Variants in BMPR1B observed in about 807,000 individuals in gnomAD.
The protein encoded by BMPR1B is bone morphogenetic protein receptor type-1B.
BMPR1B carries 12 observed loss-of-function variants against 59.1 expected under a neutral mutation model. The observed-to-expected ratio is 0.20, with a 90% CI of 0.13 to 0.33. The LOEUF is 0.33. Ranked by LOEUF, BMPR1B falls within the 10% of genes least tolerant of loss-of-function variation. BMPR1B has a pLI of 1.00. For synonymous variants in BMPR1B, 237 were observed against 207.3 expected (o/e 1.14, Z -1.23); for missense variants, 550 against 610.9 (o/e 0.90, Z 1.05).
At chr4:94,939,213 A>G (rs917041385) in intron 2 of BMPR1B, among the ~76,000 whole-genome samples, 2 of 152,134 alleles carry the variant, frequency 1.3e-5, no homozygotes, top group East Asian at 3.9e-4. Context: ...ATACATTCCT[A>G]TGGAGATTCT....
rs568826663 is a variant in BMPR1B, at chr4:94,967,488, T to C, written c.-112-28552T>C. On this transcript the variant is annotated intron_variant, in intron 2 of 12. Coordinates refer to ENST00000515059, the MANE Select transcript of BMPR1B (RefSeq NM_001203.3). ...CCTCTCCTCTCTCCTTCTCTTTCTTTCTTTTTTTTCTTGAGATGGAGTCTT... is the reference window on the plus strand; with the variant it reads ...CCTCTCCTCTCTCCTTCTCTTTCTTCCTTTTTTTTCTTGAGATGGAGTCTT... 7.9e-5 allele frequency among the ~76,000 whole-genome samples: 12 copies of C among 152,138 alleles called. No homozygotes were observed. The South Asian group carries it at 2.5e-3, about 32-fold the overall frequency.
At chr4:95,018,324 T>C (rs939320298) in intron 3 of BMPR1B, among the ~76,000 whole-genome samples, 2 of 152,174 alleles carry the variant, frequency 1.3e-5, no homozygotes, top group Non-Finnish European at 2.9e-5. Flanking sequence ...CCTATATTGT[T>C]TTTGGAAAGT....
chr4:94,806,063 A>G (rs1488321862), intron 1 of BMPR1B, among the ~76,000 whole-genome samples: 2 of 152,176 alleles, frequency 1.3e-5, no homozygotes, highest in African/African-American at 2.4e-5. Context: ...CAATATCAAC[A>G]AATATTTTTC....
chr4:94,778,250 T>C (rs932579415), intron 1 of BMPR1B, among the ~76,000 whole-genome samples: 1 of 152,290 alleles, frequency 6.6e-6, no homozygotes, highest in East Asian at 1.9e-4. Flanking sequence ...TTTATGTTTA[T>C]TATTCACTGG....
intron 1 of BMPR1B, among the ~76,000 whole-genome samples, chr4:94,826,372 C>A (rs548647522): frequency 1.5e-5 from 2 of 129,608 alleles, no homozygotes; most frequent in Non-Finnish European, 3.3e-5. Flanking sequence ...CTTCTTTCAC[C>A]ATGTTTTAAA....
intron 3 of BMPR1B, among the ~76,000 whole-genome samples, chr4:95,046,205 G>A (rs1487171932): frequency 6.6e-6 from 1 of 152,048 alleles, no homozygotes; most frequent in Non-Finnish European, 1.5e-5. Context: ...AAACCACTGT[G>A]TCCGGCTTTA....
chr4:94,835,578 A>G (rs1288295334), intron 1 of BMPR1B, among the ~76,000 whole-genome samples: 1 of 152,218 alleles, frequency 6.6e-6, no homozygotes, highest in Non-Finnish European at 1.5e-5. Flanking sequence ...TCTCTTTGGT[A>G]ACAACCAAAT....
intron 2 of BMPR1B, among the ~76,000 whole-genome samples, chr4:94,934,445 C>A (rs1729209015): frequency 7.6e-6 from 1 of 131,280 alleles, no homozygotes; most frequent in South Asian, 2.5e-4. Context: ...GAACTTTTCC[C>A]AGCTATGGTT....
In BMPR1B at chr4:94,761,382, G is replaced by A. The variant is rs146022618; in HGVS notation, c.-183+3314G>A. On this transcript the variant is annotated intron_variant, in intron 1 of 12. Coordinates refer to ENST00000515059, the MANE Select transcript of BMPR1B (RefSeq NM_001203.3). ...TTTCTTACCTGCAAAGAAGATTTAAGCTCTCTGGACTTACATTTTCCGCTG... is the reference window on the plus strand; with the variant it reads ...TTTCTTACCTGCAAAGAAGATTTAAACTCTCTGGACTTACATTTTCCGCTG... Among the ~76,000 whole-genome samples the A allele has an allele frequency of 3.4e-3, 513 of 149,428 alleles. 3 individuals are homozygous for A. The highest frequency in any genetic ancestry group is 6.1e-3 in the Non-Finnish European group (407 of 67,266).
chr4:94,841,982 C>G lies in BMPR1B; in HGVS notation c.-182-33849C>G, dbSNP rs147259040. On this transcript the variant is annotated intron_variant, in intron 1 of 12. Coordinates refer to ENST00000515059, the MANE Select transcript of BMPR1B (RefSeq NM_001203.3). The stretch of plus-strand genomic sequence containing the variant: ...GTTATGATAATAATAACATGGATCC[C>G]CAGTGGAAACCAGGGCTGGTTAGGA... 3.7e-3 allele frequency among the ~76,000 whole-genome samples: 568 copies of G among 152,090 alleles called. 4 individuals carry two copies. Among genetic ancestry groups the G allele is most frequent in the African/African-American group, 0.013 (533 of 41,492 alleles).
rs78182742 is a variant in BMPR1B at position 95,146,874 on chromosome 4, G to T, written c.1077-1874G>T. On this transcript the variant is annotated intron_variant, in intron 10 of 12. Coordinates refer to ENST00000515059, the MANE Select transcript of BMPR1B (RefSeq NM_001203.3). ...ATCTATTCAATCTGACATGTTTCCAGTTTACCATTAAGTCTCTTCTCAGCA... is the reference window on the plus strand; with the variant it reads ...ATCTATTCAATCTGACATGTTTCCATTTTACCATTAAGTCTCTTCTCAGCA... 7.1e-3 allele frequency among the ~76,000 whole-genome samples: 1,077 copies of T among 152,232 alleles called. 12 individuals are homozygous for T. The highest frequency in any genetic ancestry group is 7.0e-3 in the Non-Finnish European group (473 of 68,018).
chr4:94,772,327 C>T (rs2110573677), intron 1 of BMPR1B, among the ~76,000 whole-genome samples: 1 of 152,198 alleles, frequency 6.6e-6, no homozygotes, highest in South Asian at 2.1e-4. Context: ...GCAGAAGGGC[C>T]TATTGGCTGT....
chr4:95,124,534 A>G (rs1338207252), intron 7 of BMPR1B, among the ~76,000 whole-genome samples: 1 of 152,074 alleles, frequency 6.6e-6, no homozygotes, highest in Non-Finnish European at 1.5e-5. Flanking sequence ...AAAAGTTTTT[A>G]AAGATTAAAT....
At chr4:95,113,871 A>G (rs533437006) in intron 4 of BMPR1B, among the ~76,000 whole-genome samples, 1 of 152,276 alleles carries the variant, frequency 6.6e-6, no homozygotes, top group East Asian at 1.9e-4. Flanking sequence ...CCTCATCTGT[A>G]AGATAGGAAT....
intron 3 of BMPR1B, among the ~76,000 whole-genome samples, chr4:95,021,755 C>T (rs1053647228): frequency 1.3e-5 from 2 of 152,108 alleles, no homozygotes; most frequent in African/African-American, 4.8e-5. Context: ...TTTCTGAACC[C>T]ACTGCTGTAT....
At chr4:94,976,444 T>C (rs992377809) in intron 2 of BMPR1B, among the ~76,000 whole-genome samples, 4 of 152,014 alleles carry the variant, frequency 2.6e-5, no homozygotes, top group Non-Finnish European at 5.9e-5. Flanking sequence ...CTCAGGAAAA[T>C]ATAATCTGCC....
intron 3 of BMPR1B, among the ~76,000 whole-genome samples, chr4:95,096,785 CTATA>C (rs1730425494): frequency 7.8e-6 from 1 of 128,966 alleles, no homozygotes; most frequent in African/African-American, 2.9e-5. Context: ...TTATATATAA[CTATA>C]TATCTATATA....
At chr4:94,996,508 A>G (rs935821269) in intron 3 of BMPR1B, 2 of 152,200 alleles carry the variant, frequency 1.3e-5, no homozygotes, top group South Asian at 2.1e-4. Context: ...TGGTCTAGAC[A>G]TGGATTATAA....
chr4:95,093,502 G>A (rs1460156988), intron 3 of BMPR1B, among the ~76,000 whole-genome samples: 1 of 151,800 alleles, frequency 6.6e-6, no homozygotes, highest in Non-Finnish European at 1.5e-5. Context: ...TGTTTGTGTT[G>A]TCTGTTGACT....
Sources: allele counts gnomAD v4.1 joint callset (sites outside exome capture counted in the v4.1 genomes callset), GRCh38; gene constraint gnomAD v4.1.1; transcripts MANE v1.5; gene names NCBI Gene and HGNC (gene_info 2026-07-23, HGNC 2026-07-21).